LILRB1: variants seen among roughly 807,000 people sequenced by gnomAD.
LILRB1 encodes the protein leukocyte immunoglobulin-like receptor subfamily B member 1.
In LILRB1, 59 loss-of-function variants were observed where a neutral mutation model predicts 74.6. The observed-to-expected ratio is 0.79, with a 90% CI of 0.64 to 0.98. The LOEUF (loss-of-function observed/expected upper bound fraction) is 0.98. LILRB1 is among the 50% of genes least tolerant of loss of function. LILRB1 has a pLI of 0.00. For synonymous variants in LILRB1, 328 were observed against 333.9 expected, an observed-to-expected ratio of 0.98 and a Z score of 0.19; for missense variants, 804 against 822.6, an observed-to-expected ratio of 0.98 and a Z score of 0.28.
At chr19:54,633,710 A>G (rs763902100) in intron 8 of LILRB1, 22 bp downstream of exon 8, 29 of 1,609,540 alleles carry the variant, frequency 1.8e-5, no homozygotes, top group Non-Finnish European at 2.4e-5. Context: ...AGGCTTCTGA[A>G]CTCAAGGGAG....
chr19:54,630,487 T>G lies in LILRB1; in HGVS notation c.-195T>G. Reference sequence around the variant, plus strand: ...AACTTTTCTTCCCTATTTCCCTGCATTTCTCTTCTGTGCTCACTGCCACAC... The same window carrying G: ...AACTTTTCTTCCCTATTTCCCTGCAGTTCTCTTCTGTGCTCACTGCCACAC... On this transcript the variant is annotated 5_prime_UTR_variant, in exon 1 of 15. Transcript: ENST00000324602. 1 of 433,242 alleles carries G rather than the reference T, an allele frequency of 2.3e-6. No individual in the cohort carries two copies. Among genetic ancestry groups the G allele is most frequent in the Non-Finnish European group, 4.6e-6 (1 of 217,538 alleles). 26.8% of individuals were successfully genotyped at this position (433,242 alleles called of 1,614,324 possible).
intron 1 of LILRB1, among the ~76,000 whole-genome samples, chr19:54,619,674 A>G (rs2063402839): frequency 6.6e-6 from 1 of 152,098 alleles, no homozygotes; most frequent in Non-Finnish European, 1.5e-5. Context: ...TTATTTAAAA[A>G]CAGAAAAATG....
At chr19:54,629,254 GGT>G (rs1210744307), upstream of LILRB1, among the ~76,000 whole-genome samples, 1 of 152,190 alleles carries the variant, frequency 6.6e-6, no homozygotes, top group Non-Finnish European at 1.5e-5. Context: ...AGTACGAGCA[GGT>G]GTTGGTGCAT....
upstream of LILRB1, among the ~76,000 whole-genome samples, chr19:54,626,550 A>G (rs1206843710): frequency 6.6e-6 from 1 of 152,244 alleles, no homozygotes. Flanking sequence ...ATGACTAATG[A>G]AAAATTTAAT....
intron 12 of LILRB1, 105 bp downstream of exon 12, chr19:54,635,401 G>T: frequency 6.5e-7 from 1 of 1,547,418 alleles, no homozygotes. Context: ...GGGGCTCAGG[G>T]TGAGATCATC....
At position 54,632,100 on chromosome 19, in the gene LILRB1, G is replaced by A. The variant is rs112916853; in HGVS notation, c.524G>A (p.Arg175His). The part of the protein sequence containing the change: ...PQCLNSQPHA[R>H]GSSRAIFSVG... Reference sequence around the variant, plus strand: ...TGCCTGAACTCCCAGCCCCATGCCCGTGGGTCGTCCCGCGCCATCTTCTCC... The same window carrying A: ...TGCCTGAACTCCCAGCCCCATGCCCATGGGTCGTCCCGCGCCATCTTCTCC... The change falls in exon 5 of 15, where the codon CGT becomes CAT. Residue 175 changes from arginine (R) to histidine (H), a missense_variant. Transcript: ENST00000324602. 2.2e-5 allele frequency: 35 copies of A among 1,614,178 alleles called. No individual in the cohort carries two copies. Among genetic ancestry groups the A allele is most frequent in the East Asian group, 1.6e-4 (7 of 44,880 alleles).
chr19:54,635,792 C>T, intron 13 of LILRB1, 183 bp downstream of exon 13: 1 of 783,460 alleles, frequency 1.3e-6, no homozygotes. Flanking sequence ...ACCTCGTGGG[C>T]CTCCTCCCGG....
intron 8 of LILRB1, 116 bp downstream of exon 8, chr19:54,633,804 C>T (rs931030873): frequency 6.8e-7 from 1 of 1,465,418 alleles, no homozygotes; most frequent in African/African-American, 1.4e-5. Flanking sequence ...GGGAGCCGGG[C>T]AGAGCCAGAG....
chr19:54,620,734 G>A (rs998747528), intron 1 of LILRB1, among the ~76,000 whole-genome samples: 1 of 152,136 alleles, frequency 6.6e-6, no homozygotes, highest in Non-Finnish European at 1.5e-5. Context: ...AGCCAGGTGG[G>A]GCTGGTGTAT....
chr19:54,625,172 T>C (rs2555697), intron 1 of LILRB1, among the ~76,000 whole-genome samples: 30 of 140,382 alleles, frequency 2.1e-4, no homozygotes, highest in African/African-American at 5.1e-4. Flanking sequence ...CAGAGGGCAC[T>C]GAGCCAGGGC....
chr19:54,627,891 G>A (rs542130190), upstream of LILRB1, among the ~76,000 whole-genome samples: 123 of 152,258 alleles, frequency 8.1e-4, 1 homozygote, highest in African/African-American at 2.8e-3. Context: ...CTTCCCCAGT[G>A]CCGTAAACAA....
Position 54,635,304 on chromosome 19 carries a change from A to C in LILRB1, c.1600+8A>C. ...CCCAGGAAGAAAACCTCTGTGAGTG[A>C]GAGGAAGAGGTGACCAGCCAGGAGG... On this transcript the variant is annotated splice_region_variant and intron_variant, in intron 12 of 14. Transcript: ENST00000324602. 12 of 1,613,246 alleles carry C rather than the reference A, an allele frequency of 7.4e-6. No homozygotes were observed. The highest frequency in any genetic ancestry group is 9.3e-6 in the Non-Finnish European group (11 of 1,179,326).
In LILRB1 at chr19:54,632,575, A is replaced by G; in HGVS notation, c.773A>G (p.Tyr258Cys). 6.2e-7 allele frequency: 1 copy of G among 1,614,100 alleles called. No individual in the cohort carries two copies. The highest frequency in any genetic ancestry group is 8.5e-7 in the Non-Finnish European group (1 of 1,180,008). ...GCTGGCTACAACAGATTTGTTCTGT[A>G]TAAGGACGGGGAACGTGACTTCCTT... ...SDAGYNRFVL[Y>C]KDGERDFLQL... Residue 258 changes from tyrosine (Y) to cysteine (C), a missense_variant, in exon 6 of 15, where the codon TAT (tyrosine) becomes TGT (cysteine). Coordinates refer to ENST00000324602, the MANE Select transcript of LILRB1 (RefSeq NM_001081637.3).
At chr19:54,629,839 T>C (rs549849115), upstream of LILRB1, among the ~76,000 whole-genome samples, 11 of 152,376 alleles carry the variant, frequency 7.2e-5, no homozygotes, top group Non-Finnish European at 1.2e-4. Context: ...ACTTGGGAAC[T>C]TCCACATCTC....
upstream of LILRB1, among the ~76,000 whole-genome samples, chr19:54,626,725 A>G (rs2063599522): frequency 6.6e-6 from 1 of 151,636 alleles, no homozygotes; most frequent in African/African-American, 2.4e-5. Context: ...TTTGATTTTT[A>G]TTTCTCTTGG....
In LILRB1 at chr19:54,634,685, G is replaced by A. The variant is rs777111349; in HGVS notation, c.1408G>A (p.Val470Ile). 1.3e-5 allele frequency: 21 copies of A among 1,613,926 alleles called. No homozygotes were observed. Among genetic ancestry groups the A allele is most frequent in the South Asian group, 5.5e-5 (5 of 91,058 alleles). Residue 470 changes from valine to isoleucine, a missense_variant, in exon 10 of 15, where the codon GTC becomes ATC. Physicochemically the swap from Val to Ile is conservative, Grantham distance 29. Coordinates refer to ENST00000324602, the MANE Select transcript of LILRB1 (RefSeq NM_001081637.3). Reference protein sequence around the residue: ...LGVVIGILVAVILLLLLLLLL... With the variant: ...LGVVIGILVAIILLLLLLLLL... ...GGTTGTGATCGGCATCTTGGTGGCC[G>A]TCATCCTACTGCTCCTCCTCCTCCT...
intron 1 of LILRB1, among the ~76,000 whole-genome samples, chr19:54,624,503 G>T (rs1208510240): frequency 4.6e-5 from 7 of 152,228 alleles, no homozygotes; most frequent in African/African-American, 1.7e-4. Context: ...TGACGTGGTA[G>T]CTGCTTCATG....
intron 1 of LILRB1, among the ~76,000 whole-genome samples, chr19:54,622,911 A>G (rs1013491176): frequency 6.6e-6 from 1 of 152,182 alleles, no homozygotes; most frequent in African/African-American, 2.4e-5. Context: ...CTTTATCTGC[A>G]TCTATTGAGA....
chr19:54,625,331 A>T (rs530581532), intron 1 of LILRB1, among the ~76,000 whole-genome samples: 149 of 150,922 alleles, frequency 9.9e-4, no homozygotes, highest in African/African-American at 3.4e-3. Flanking sequence ...CCCAGCTGTC[A>T]TACTTATTCT....
Sources: gnomAD v4.1 joint callset for allele counts (sites outside exome capture counted in the v4.1 genomes callset) on GRCh38, gnomAD v4.1.1 for gene constraint, MANE v1.5 for transcripts, NCBI Gene and HGNC (gene_info 2026-07-23, HGNC 2026-07-21) for gene names.